Variants in ADAMTS20 observed in about 807,000 individuals in gnomAD.
The protein encoded by ADAMTS20 is ADAM metallopeptidase with thrombospondin type 1 motif 20.
ADAMTS20 carries 225 observed loss-of-function variants against 260.1 expected under a neutral mutation model. That is an observed-to-expected ratio of 0.87 (90% confidence interval 0.78 to 0.97). The LOEUF is 0.97. ADAMTS20 is among the 50% of genes least tolerant of loss of function. The pLI, the probability that ADAMTS20 is intolerant of heterozygous loss-of-function variation, is 0.00. For missense variants in ADAMTS20, 2,400 were observed against 2,337.7 expected (o/e 1.03, Z -0.55); for synonymous variants, 802 against 769.5 (o/e 1.04, Z -0.70).
At chr12:43,485,911 A>C (rs1169295298) in intron 7 of ADAMTS20, among the ~76,000 whole-genome samples, 5 of 152,156 alleles carry the variant, frequency 3.3e-5, no homozygotes, top group African/African-American at 1.2e-4. Context: ...ACACTGCTGA[A>C]AGAAAACATA....
rs138035327 is a variant in ADAMTS20 at position 43,427,325 on chromosome 12, A to T, written c.4090T>A (p.Tyr1364Asn). The change falls in exon 27 of 39, where the codon TAC becomes AAC. Residue 1364 changes from tyrosine to asparagine, a missense_variant. Coordinates refer to ENST00000389420, the MANE Select transcript of ADAMTS20 (RefSeq NM_025003.5). ...TGACTTACTTCTCCCCAATTTCCGT[A>T]GTTCCACTGTGGACAAGGCCCTGGA... ...CGPGPCPQWN[Y>N]GNWGECSQTC... The T allele has an allele frequency of 1.0e-3, 1,679 of 1,611,858 alleles. No individual in the cohort carries two copies. Among genetic ancestry groups the T allele is most frequent in the Non-Finnish European group, 1.2e-3 (1,453 of 1,179,284 alleles).
chr12:43,527,352 A>C (rs1392173318), intron 3 of ADAMTS20, among the ~76,000 whole-genome samples: 1 of 152,196 alleles, frequency 6.6e-6, no homozygotes, highest in South Asian at 2.1e-4. Flanking sequence ...TGAAGTCAGC[A>C]TCACTCTGAT....
intron 37 of ADAMTS20, among the ~76,000 whole-genome samples, chr12:43,362,301 C>T (rs1350407632): frequency 6.6e-6 from 1 of 152,142 alleles, no homozygotes; most frequent in Non-Finnish European, 1.5e-5. Context: ...CAGTGCAGAA[C>T]TTCAGGAGAG....
chr12:43,535,651 T>C lies in ADAMTS20; in HGVS notation c.454-3456A>G, dbSNP rs1022999847. Among the ~76,000 whole-genome samples the C allele has an allele frequency of 8.5e-5, 13 of 152,300 alleles. 1 individual carries two copies. The East Asian group carries it at 2.3e-3, about 27-fold the overall frequency. On this transcript the variant is annotated intron_variant, in intron 2 of 38. Coordinates refer to ENST00000389420, the MANE Select transcript of ADAMTS20 (RefSeq NM_025003.5). ...AATTAAGGTAGCTATTAGTCTGCCA[T>C]TAGATCATATTATTTAAGGTGCTAA...
intron 9 of ADAMTS20, among the ~76,000 whole-genome samples, chr12:43,466,373 T>C (rs1159316402): frequency 6.6e-6 from 1 of 151,720 alleles, no homozygotes; most frequent in African/African-American, 2.4e-5. Context: ...TCAAACATAG[T>C]TTTCATCACA....
intron 14 of ADAMTS20, among the ~76,000 whole-genome samples, chr12:43,448,098 A>G (rs1172303615): frequency 1.3e-5 from 2 of 152,142 alleles, no homozygotes; most frequent in Non-Finnish European, 2.9e-5. Context: ...CCATTTCTAT[A>G]AAACTACCAT....
intron 29 of ADAMTS20, among the ~76,000 whole-genome samples, chr12:43,396,864 G>A (rs1030894765): frequency 1.3e-5 from 2 of 152,096 alleles, no homozygotes; most frequent in Admixed American, 6.6e-5. Flanking sequence ...CAGCTGCACC[G>A]CAGCAAAAGA....
chr12:43,494,699 T>C (rs1592096801), intron 4 of ADAMTS20, among the ~76,000 whole-genome samples: 2 of 152,262 alleles, frequency 1.3e-5, no homozygotes, highest in East Asian at 3.9e-4. Context: ...CAATGCAGTA[T>C]TTCTCACTTT....
At chr12:43,424,616 T>C (rs1407214168) in intron 28 of ADAMTS20, among the ~76,000 whole-genome samples, 1 of 152,084 alleles carries the variant, frequency 6.6e-6, no homozygotes, top group African/African-American at 2.4e-5. Flanking sequence ...GGAGCAGTTA[T>C]GGATATTAAC....
chr12:43,516,057 T>G (rs1942996085), intron 3 of ADAMTS20, among the ~76,000 whole-genome samples: 1 of 152,050 alleles, frequency 6.6e-6, no homozygotes, highest in African/African-American at 2.4e-5. Context: ...CCCACCGCCT[T>G]CAGTTTTCTG....
rs553944530 is a variant in ADAMTS20 at position 43,382,580 on chromosome 12, G to A, written c.4797+978C>T. Among the ~76,000 whole-genome samples, 7 of 152,084 alleles carry A rather than the reference G, an allele frequency of 4.6e-5. No individual in the cohort carries two copies. The South Asian group carries it at 1.5e-3, about 32-fold the overall frequency. On this transcript the variant is annotated intron_variant, in intron 31 of 38. Transcript: ENST00000389420. ...ATCATGGTGATGCTTGCACATACAG[G>A]TGATTATACTAAAATTCGCTAAATT...
At chr12:43,359,209 T>A (rs974429471) in intron 37 of ADAMTS20, among the ~76,000 whole-genome samples, 1 of 152,068 alleles carries the variant, frequency 6.6e-6, no homozygotes, top group Non-Finnish European at 1.5e-5. Flanking sequence ...GAAGGTAAAA[T>A]GATTCAAAAG....
At position 43,431,508 on chromosome 12, in the gene ADAMTS20, A is replaced by C; in HGVS notation, c.3097-12T>G. On this transcript the variant is annotated splice_polypyrimidine_tract_variant and intron_variant, in intron 21 of 38. Transcript: ENST00000389420. ...CATGTAACAAGGCACTGTAAGAATAAAACTGATCATTATTTATTTGCAGCA... is the reference window on the plus strand; with the variant it reads ...CATGTAACAAGGCACTGTAAGAATACAACTGATCATTATTTATTTGCAGCA... 1.2e-6 allele frequency: 2 copies of C among 1,613,758 alleles called. No homozygotes were observed. Among genetic ancestry groups the C allele is most frequent in the South Asian group, 1.1e-5 (1 of 91,046 alleles).
intron 29 of ADAMTS20, among the ~76,000 whole-genome samples, chr12:43,389,732 A>G (rs1312847042): frequency 6.6e-6 from 1 of 152,020 alleles, no homozygotes; most frequent in Non-Finnish European, 1.5e-5. Flanking sequence ...TTGCCACTTT[A>G]GAACAAGGAT....
intron 7 of ADAMTS20, among the ~76,000 whole-genome samples, chr12:43,472,381 C>G (rs376263960): frequency 2.3e-4 from 33 of 146,498 alleles, no homozygotes; most frequent in Admixed American, 4.8e-4. Context: ...GAAAGTGATG[C>G]GGAGAATGGA....
intron 28 of ADAMTS20, among the ~76,000 whole-genome samples, chr12:43,424,514 C>G (rs1941293820): frequency 6.6e-6 from 1 of 152,050 alleles, no homozygotes; most frequent in South Asian, 2.1e-4. Flanking sequence ...AATTTCTCTA[C>G]TTTTATAAAC....
chr12:43,353,630 C>T (rs1339825748), downstream of ADAMTS20, among the ~76,000 whole-genome samples: 2 of 151,880 alleles, frequency 1.3e-5, no homozygotes, highest in African/African-American at 4.8e-5. Flanking sequence ...TTAATTGAAG[C>T]CCCATAATCC....
At chr12:43,492,732 G>A in intron 5 of ADAMTS20, 103 bp from the exon 6 acceptor site, 2 of 1,285,846 alleles carry the variant, frequency 1.6e-6, no homozygotes, top group South Asian at 1.4e-5. Context: ...CATTCTCACA[G>A]GTGAATGAAG....
In ADAMTS20 at chr12:43,428,710, G is replaced by A. The variant is rs756802583; in HGVS notation, c.3579C>T (p.Ala1193=). 3 of 1,612,472 alleles carry A rather than the reference G, an allele frequency of 1.9e-6. No homozygotes were observed. The highest frequency in any genetic ancestry group is 1.3e-5 in the African/African-American group (1 of 74,946). The part of the protein sequence containing the change: ...LDRIADESYC[A]HLPRPAEIWD... ...ATATTTCAGCAGGTCGGGGTAAGTG[G>A]GCACAATATGATTCATCTGCTATTC... is the stretch of plus-strand genomic sequence containing the variant. Residue 1193 remains alanine, a synonymous_variant, in exon 25 of 39, where the codon GCC becomes GCT. Coordinates refer to ENST00000389420, the MANE Select transcript of ADAMTS20 (RefSeq NM_025003.5).
Sources: gnomAD v4.1 joint callset for allele counts (sites outside exome capture counted in the v4.1 genomes callset) on GRCh38, gnomAD v4.1.1 for gene constraint, MANE v1.5 for transcripts, NCBI Gene and HGNC (gene_info 2026-07-23, HGNC 2026-07-21) for gene names.